ZBTB20: variants seen among roughly 807,000 people sequenced by gnomAD.
ZBTB20 encodes zinc finger and BTB domain-containing protein 20.
ZBTB20 carries 9 observed loss-of-function variants against 56.9 expected under a neutral mutation model. The observed-to-expected ratio is 0.16, with a 90% confidence interval of 0.10 to 0.28. The LOEUF is 0.28. Among genes scored for constraint, ZBTB20 ranks in the 10% least tolerant of loss-of-function variants. ZBTB20 has a pLI of 1.00. For missense variants in ZBTB20, 655 were observed against 1,003.0 expected, an observed-to-expected ratio of 0.65 and a Z score of 4.69; for synonymous variants, 417 against 420.7, an observed-to-expected ratio of 0.99 and a Z score of 0.11.
intron 2 of ZBTB20, among the ~76,000 whole-genome samples, chr3:115,066,181 G>T (rs1230593476): frequency 1.3e-5 from 2 of 151,970 alleles, no homozygotes; most frequent in African/African-American, 2.4e-5. Flanking sequence ...AAATTCAAAT[G>T]AATCTTTTAT....
intron 5 of ZBTB20, among the ~76,000 whole-genome samples, chr3:114,701,115 G>C (rs958803718): frequency 1.3e-5 from 2 of 152,028 alleles, no homozygotes; most frequent in Non-Finnish European, 2.9e-5. Flanking sequence ...CATATGAATG[G>C]GCAATAAAAG....
At chr3:114,979,290 G>C (rs1282692208) in intron 2 of ZBTB20, among the ~76,000 whole-genome samples, 2 of 152,006 alleles carry the variant, frequency 1.3e-5, no homozygotes, top group African/African-American at 4.8e-5. Context: ...TGTATAAAGA[G>C]AGACAAAATA....
At chr3:114,898,091 ATAAT>A (rs1560375634) in intron 4 of ZBTB20, among the ~76,000 whole-genome samples, 1 of 152,186 alleles carries the variant, frequency 6.6e-6, no homozygotes, top group Non-Finnish European at 1.5e-5. Flanking sequence ...GCTTAGAAAA[ATAAT>A]TACAGATTTT....
intron 4 of ZBTB20, chr3:114,861,682 C>CAA (rs10623550): frequency 0.75 from 112,677 of 149,836 alleles, 46,333 homozygotes; most frequent in East Asian, 0.96. Flanking sequence ...ACACACACCA[C>CAA]ACACACACAC....
chr3:114,915,286 T>A (rs1430150681), intron 3 of ZBTB20, among the ~76,000 whole-genome samples: 1 of 151,948 alleles, frequency 6.6e-6, no homozygotes, highest in African/African-American at 2.4e-5. Context: ...AATTCATGGT[T>A]CAATCCTGGT....
intron 5 of ZBTB20, among the ~76,000 whole-genome samples, chr3:114,729,355 A>G (rs1482529498): frequency 6.6e-6 from 1 of 152,256 alleles, no homozygotes; most frequent in Non-Finnish European, 1.5e-5. Flanking sequence ...ATTAATTGTT[A>G]TGAATTAAAA....
chr3:114,407,807 G>A (rs1431951812), intron 7 of ZBTB20, among the ~76,000 whole-genome samples: 2 of 151,870 alleles, frequency 1.3e-5, no homozygotes, highest in African/African-American at 2.4e-5. Flanking sequence ...GGATTGTATC[G>A]AAATTTGCCT....
At chr3:114,515,585 C>T (rs1343351047) in intron 6 of ZBTB20, among the ~76,000 whole-genome samples, 1 of 152,178 alleles carries the variant, frequency 6.6e-6, no homozygotes, top group Non-Finnish European at 1.5e-5. Context: ...CTCTATTTAA[C>T]TGGTTATAAC....
chr3:114,664,658 T>C (rs1357268079), intron 6 of ZBTB20, among the ~76,000 whole-genome samples: 1 of 151,848 alleles, frequency 6.6e-6, no homozygotes, highest in Non-Finnish European at 1.5e-5. Flanking sequence ...TCTACTGTGG[T>C]AAGTTTGCAT....
chr3:114,776,656 G>A (rs1205442979), intron 5 of ZBTB20, among the ~76,000 whole-genome samples: 2 of 152,182 alleles, frequency 1.3e-5, no homozygotes, highest in Admixed American at 6.6e-5. Context: ...AGCAGCCACA[G>A]GAAACTAATA....
chr3:114,884,019 G>A (rs1276825514), intron 4 of ZBTB20, among the ~76,000 whole-genome samples: 1 of 126,644 alleles, frequency 7.9e-6, no homozygotes, highest in South Asian at 2.9e-4. Flanking sequence ...TCCGCCTCCC[G>A]GGTTCACGCC....
At chr3:114,894,938 C>A (rs2074810254) in intron 4 of ZBTB20, among the ~76,000 whole-genome samples, 1 of 152,006 alleles carries the variant, frequency 6.6e-6, no homozygotes, top group Non-Finnish European at 1.5e-5. Context: ...TGTATTACCT[C>A]TGGTGAGTAA....
chr3:114,816,518 G>A (rs1156416381), intron 4 of ZBTB20, among the ~76,000 whole-genome samples: 1 of 152,050 alleles, frequency 6.6e-6, no homozygotes, highest in Non-Finnish European at 1.5e-5. Flanking sequence ...AAATTTAGGG[G>A]AGATAGAAAT....
chr3:114,510,500 T>TA (rs1197913536), intron 6 of ZBTB20, among the ~76,000 whole-genome samples: 1 of 152,102 alleles, frequency 6.6e-6, no homozygotes, highest in Admixed American at 6.6e-5. Context: ...CACTGAGCTT[T>TA]TTTTTTTTTC....
chr3:114,434,541 G>GGGGGGTGTGTGTGTGTTTGTGT (rs1553711977), intron 7 of ZBTB20, among the ~76,000 whole-genome samples: 11 of 85,734 alleles, frequency 1.3e-4, no homozygotes, highest in Non-Finnish European at 2.7e-4. Flanking sequence ...CTGCAATTGG[G>GGGGGGTGTGTGTGTGTTTGTGT]GTGTGTGTGT....
At chr3:114,767,653 GA>G (rs937813425) in intron 5 of ZBTB20, among the ~76,000 whole-genome samples, 7 of 150,506 alleles carry the variant, frequency 4.7e-5, no homozygotes, top group African/African-American at 9.7e-5. Context: ...AAGAAGGAAA[GA>G]AAAAAAAGGT....
intron 2 of ZBTB20, among the ~76,000 whole-genome samples, chr3:115,051,869 G>A (rs1257628187): frequency 6.6e-6 from 1 of 152,092 alleles, no homozygotes; most frequent in East Asian, 1.9e-4. Context: ...AAACTTAAAG[G>A]TGAAGGGGAA....
chr3:114,862,006 T>A (rs1466966253), intron 4 of ZBTB20, among the ~76,000 whole-genome samples: 1 of 152,230 alleles, frequency 6.6e-6, no homozygotes. Context: ...ACATGATTCT[T>A]ATTTGTTTTT....
chr3:114,663,228 A>G (rs1319563782), intron 6 of ZBTB20, among the ~76,000 whole-genome samples: 5 of 147,050 alleles, frequency 3.4e-5, no homozygotes, highest in South Asian at 2.3e-4. Flanking sequence ...AGTGGGGGCC[A>G]ATATTCAACA....
Sources: gnomAD v4.1 joint callset for allele counts (sites outside exome capture counted in the v4.1 genomes callset) on GRCh38, gnomAD v4.1.1 for gene constraint, MANE v1.5 for transcripts, NCBI Gene and HGNC (gene_info 2026-07-23, HGNC 2026-07-21) for gene names.